The following ZSCAN25 variants were observed in gnomAD, a reference collection of about 807,000 sequenced individuals.
The protein encoded by ZSCAN25 is zinc finger and SCAN domain containing 25, also known as zinc finger and SCAN domain-containing protein 25.
In ZSCAN25, 27 loss-of-function variants were observed where a neutral mutation model predicts 38.7. That is an observed-to-expected ratio of 0.70 (90% confidence interval 0.51 to 0.96). The LOEUF is 0.96. ZSCAN25 is among the 40% of genes least tolerant of loss of function. The pLI is 0.00. For missense variants in ZSCAN25, 637 were observed against 705.9 expected, an observed-to-expected ratio of 0.90 and a Z score of 1.11; for synonymous variants, 273 against 277.7, an observed-to-expected ratio of 0.98 and a Z score of 0.17.
chr7:99,708,475 C>T, the ZSCAN25 span, among the ~76,000 whole-genome samples: 1 of 151,886 alleles, frequency 6.6e-6, no homozygotes, highest in East Asian at 1.9e-4. Context: ...CCCTCCTTCT[C>T]TCCTCCTTCT....
the ZSCAN25 span, among the ~76,000 whole-genome samples, chr7:99,648,695 A>C: frequency 6.6e-6 from 1 of 152,078 alleles, no homozygotes; most frequent in Admixed American, 6.5e-5. Context: ...TCTTAAGTTA[A>C]AAGGATGAGT....
chr7:99,709,774 A>ATATG, the ZSCAN25 span, among the ~76,000 whole-genome samples: 2 of 150,170 alleles, frequency 1.3e-5, no homozygotes, highest in Non-Finnish European at 1.5e-5. Context: ...TATTATATAT[A>ATATG]TGTGTGTGTG....
the ZSCAN25 span, chr7:99,715,650 C>A: frequency 2.5e-6 from 4 of 1,569,786 alleles, no homozygotes; most frequent in African/African-American, 1.4e-5. Context: ...GTACTACAAA[C>A]CATTAAACTG....
At chr7:99,655,360 G>C in the ZSCAN25 span, among the ~76,000 whole-genome samples, 1 of 152,118 alleles carries the variant, frequency 6.6e-6, no homozygotes. Context: ...GCTTGTTTTT[G>C]TCAGGTTTGT....
At chr7:99,624,657 T>C (rs1327753595) in intron 7 of ZSCAN25, among the ~76,000 whole-genome samples, 1 of 152,050 alleles carries the variant, frequency 6.6e-6, no homozygotes, top group African/African-American at 2.4e-5. Context: ...GGCTTCGCGA[T>C]GGGAGAGGTT....
At chr7:99,692,065 C>G in the ZSCAN25 span, among the ~76,000 whole-genome samples, 2 of 152,216 alleles carry the variant, frequency 1.3e-5, no homozygotes. Context: ...GTGCTTCCTT[C>G]AGGAGCTCTT....
the ZSCAN25 span, among the ~76,000 whole-genome samples, chr7:99,690,199 G>A: frequency 3.3e-5 from 5 of 152,254 alleles, no homozygotes; most frequent in East Asian, 5.8e-4. Context: ...ATGGGGAAAG[G>A]ATTCCCTATT....
intron 4 of ZSCAN25, 158 bp from the exon 5 acceptor site, chr7:99,621,215 C>T (rs1806925899): frequency 1.8e-6 from 1 of 547,900 alleles, no homozygotes; most frequent in Non-Finnish European, 2.8e-6. Flanking sequence ...TTCACTTCCT[C>T]ACTAATGTCC....
the ZSCAN25 span, among the ~76,000 whole-genome samples, chr7:99,707,303 G>A: frequency 3.3e-5 from 5 of 152,058 alleles, no homozygotes; most frequent in Non-Finnish European, 7.4e-5. Context: ...GAAGCAATGG[G>A]GGAGCTTTTA....
At chr7:99,624,208 G>A (rs760802839) in intron 7 of ZSCAN25, 28 bp downstream of exon 7, 5 of 1,612,498 alleles carry the variant, frequency 3.1e-6, no homozygotes, top group Non-Finnish European at 4.2e-6. Flanking sequence ...CACAGGTGAG[G>A]AACTGGGGAG....
downstream of ZSCAN25, among the ~76,000 whole-genome samples, chr7:99,633,942 G>A (rs756751350): frequency 2.0e-5 from 3 of 152,200 alleles, no homozygotes; most frequent in Non-Finnish European, 4.4e-5. Flanking sequence ...CCCCTTTTGA[G>A]AGTGAAAGTG....
At chr7:99,628,291 G>A (rs2151292498) in intron 7 of ZSCAN25, among the ~76,000 whole-genome samples, 1 of 151,840 alleles carries the variant, frequency 6.6e-6, no homozygotes, top group East Asian at 1.9e-4. Flanking sequence ...GGTTTTTTTT[G>A]TCTTCTAGTC....
chr7:99,657,343 C>T, the ZSCAN25 span, among the ~76,000 whole-genome samples: 1 of 152,108 alleles, frequency 6.6e-6, no homozygotes, highest in Non-Finnish European at 1.5e-5. Flanking sequence ...GTTATGTACC[C>T]AGTAGTCATT....
At chr7:99,720,350 A>G in the ZSCAN25 span, 3 of 1,613,588 alleles carry the variant, frequency 1.9e-6, no homozygotes, top group Admixed American at 3.3e-5. Context: ...TTCTTTCACT[A>G]GCACTGTTTT....
chr7:99,681,640 T>A, the ZSCAN25 span, among the ~76,000 whole-genome samples: 2 of 152,258 alleles, frequency 1.3e-5, no homozygotes, highest in Non-Finnish European at 2.9e-5. Flanking sequence ...ATTTTGCCCA[T>A]TTTTTGATTG....
At chr7:99,637,531 C>T in the ZSCAN25 span, among the ~76,000 whole-genome samples, 1 of 152,110 alleles carries the variant, frequency 6.6e-6, no homozygotes, top group African/African-American at 2.4e-5. Flanking sequence ...GGGTTTTATT[C>T]CTGCTCGTGC....
the ZSCAN25 span, among the ~76,000 whole-genome samples, chr7:99,640,241 C>T: frequency 1.3e-5 from 2 of 152,204 alleles, no homozygotes; most frequent in African/African-American, 4.8e-5. Flanking sequence ...TTACTGCAAC[C>T]TCCGCCTCCC....
chr7:99,655,606 T>G, the ZSCAN25 span, among the ~76,000 whole-genome samples: 1 of 152,352 alleles, frequency 6.6e-6, no homozygotes, highest in African/African-American at 2.4e-5. Context: ...TTTTTTCCAG[T>G]TCTGTGAAGA....
the ZSCAN25 span, chr7:99,713,325 G>C: frequency 1.5e-6 from 2 of 1,297,976 alleles, no homozygotes; most frequent in Non-Finnish European, 2.2e-6. Flanking sequence ...GTTGCCTCCA[G>C]CTACCATTTT....
Sources: gnomAD v4.1 joint callset for allele counts (sites outside exome capture counted in the v4.1 genomes callset) on GRCh38, gnomAD v4.1.1 for gene constraint, MANE v1.5 for transcripts, NCBI Gene and HGNC (gene_info 2026-07-23, HGNC 2026-07-21) for gene names.